RIT2: variants seen among roughly 807,000 people sequenced by gnomAD.
The protein encoded by RIT2 is Ras like without CAAX 2.
A neutral mutation model predicts 23.7 loss-of-function variants in RIT2; 24 were observed. The observed-to-expected ratio is 1.01, with a 90% CI of 0.73 to 1.43. The LOEUF (loss-of-function observed/expected upper bound fraction) is 1.43. Among genes scored for constraint, RIT2 ranks in the 40% most tolerant of loss-of-function variants. RIT2 has a pLI of 0.00. For synonymous variants in RIT2, 107 were observed against 91.1 expected (o/e 1.17, Z -0.99); for missense variants, 236 against 266.9 (o/e 0.88, Z 0.81).
chr18:42,983,558 A>G (rs1910644045), intron 2 of RIT2, among the ~76,000 whole-genome samples: 1 of 152,114 alleles, frequency 6.6e-6, no homozygotes. Flanking sequence ...TAACATGAGG[A>G]AAAGACCAGC....
intron 3 of RIT2, among the ~76,000 whole-genome samples, chr18:42,939,862 A>G (rs1299593283): frequency 3.3e-5 from 5 of 152,094 alleles, no homozygotes; most frequent in Non-Finnish European, 7.4e-5. Context: ...AAAAAATTAT[A>G]AGTACAATAA....
chr18:42,772,642 C>T (rs933373977), intron 4 of RIT2, among the ~76,000 whole-genome samples: 1 of 152,162 alleles, frequency 6.6e-6, no homozygotes, highest in African/African-American at 2.4e-5. Flanking sequence ...AATTTTTGCT[C>T]TTTGACCGTG....
intron 3 of RIT2, among the ~76,000 whole-genome samples, chr18:42,959,134 C>G (rs771898299): frequency 3.3e-5 from 5 of 152,114 alleles, no homozygotes; most frequent in Non-Finnish European, 5.9e-5. Flanking sequence ...CTGCTTTGTT[C>G]CTACACTTTC....
intron 4 of RIT2, among the ~76,000 whole-genome samples, chr18:42,799,929 C>A (rs1905477467): frequency 1.3e-5 from 2 of 152,106 alleles, no homozygotes; most frequent in South Asian, 4.1e-4. Flanking sequence ...ACTTTTCTTT[C>A]ATTAATTTAT....
intron 3 of RIT2, among the ~76,000 whole-genome samples, chr18:42,926,137 T>A (rs1909174796): frequency 6.6e-6 from 1 of 151,814 alleles, no homozygotes; most frequent in South Asian, 2.1e-4. Flanking sequence ...ACATACATTT[T>A]ACTTTTGAGA....
At chr18:42,998,125 A>AGGG (rs1343042060) in intron 2 of RIT2, among the ~76,000 whole-genome samples, 6 of 152,082 alleles carry the variant, frequency 3.9e-5, no homozygotes, top group African/African-American at 1.4e-4. Context: ...GTGTTCTCTT[A>AGGG]ATAAACCATG....
chr18:42,823,378 G>C (rs777760885), intron 4 of RIT2, among the ~76,000 whole-genome samples: 1 of 152,252 alleles, frequency 6.6e-6, no homozygotes, highest in Non-Finnish European at 1.5e-5. Flanking sequence ...AACTCAGTGA[G>C]AGGAAAATGA....
intron 4 of RIT2, among the ~76,000 whole-genome samples, chr18:42,780,603 G>T (rs1424959985): frequency 6.6e-6 from 1 of 152,082 alleles, no homozygotes; most frequent in Non-Finnish European, 1.5e-5. Flanking sequence ...AAAATACTTT[G>T]ATTTCCTTCA....
At chr18:42,991,908 A>G (rs1264854995) in intron 2 of RIT2, among the ~76,000 whole-genome samples, 2 of 152,052 alleles carry the variant, frequency 1.3e-5, no homozygotes, top group African/African-American at 4.8e-5. Context: ...TAAAAGCTTT[A>G]TTGCTCACAC....
At chr18:43,095,574 G>T (rs1913533201) in intron 1 of RIT2, among the ~76,000 whole-genome samples, 1 of 151,880 alleles carries the variant, frequency 6.6e-6, no homozygotes, top group Non-Finnish European at 1.5e-5. Flanking sequence ...CTACTTGGGA[G>T]AAAATTTATT....
intron 3 of RIT2, among the ~76,000 whole-genome samples, chr18:42,941,368 T>C (rs1287013512): frequency 6.6e-6 from 1 of 151,590 alleles, no homozygotes; most frequent in Admixed American, 6.6e-5. Context: ...CCCTCTCCAA[T>C]GCATAATTTT....
At chr18:42,886,936 A>C in intron 4 of RIT2, among the ~76,000 whole-genome samples, 1 of 152,180 alleles carries the variant, frequency 6.6e-6, no homozygotes, top group African/African-American at 2.4e-5. Flanking sequence ...AGGAAGGATG[A>C]CAGAGTTGAA....
chr18:42,787,390 C>T (rs1913946957), intron 4 of RIT2, among the ~76,000 whole-genome samples: 1 of 150,768 alleles, frequency 6.6e-6, no homozygotes, highest in African/African-American at 2.4e-5. Context: ...TAAACCTGCA[C>T]GTTGTGCACA....
At chr18:43,033,960 T>C in intron 1 of RIT2, 93 bp from the exon 2 acceptor site, 1 of 819,054 alleles carries the variant, frequency 1.2e-6, no homozygotes, top group Non-Finnish European at 2.0e-6. Context: ...TTTAAAAGGT[T>C]ATGGTGAATA....
chr18:42,787,015 A>C (rs895780118), intron 4 of RIT2, among the ~76,000 whole-genome samples: 1 of 152,148 alleles, frequency 6.6e-6, no homozygotes, highest in Non-Finnish European at 1.5e-5. Context: ...CAGGAAAAAG[A>C]AAATAACATC....
intron 4 of RIT2, among the ~76,000 whole-genome samples, chr18:42,859,139 C>T (rs1216351772): frequency 6.6e-6 from 1 of 152,106 alleles, no homozygotes; most frequent in East Asian, 1.9e-4. Flanking sequence ...GAACTTTGTT[C>T]CACAGAGGGC....
intron 1 of RIT2, among the ~76,000 whole-genome samples, chr18:43,101,782 C>A (rs2144238886): frequency 6.6e-6 from 1 of 152,194 alleles, no homozygotes; most frequent in South Asian, 2.1e-4. Context: ...AAGTGGAAGG[C>A]AAATTTTTTT....
At chr18:42,827,741 C>T (rs1906335223) in intron 4 of RIT2, among the ~76,000 whole-genome samples, 2 of 152,052 alleles carry the variant, frequency 1.3e-5, no homozygotes, top group South Asian at 4.1e-4. Context: ...CGTGGTGGCT[C>T]ATGCCTGCAA....
chr18:42,922,015 G>A (rs548362858), intron 4 of RIT2, among the ~76,000 whole-genome samples: 3 of 152,192 alleles, frequency 2.0e-5, no homozygotes, highest in East Asian at 1.9e-4. Flanking sequence ...ACATGTCTTT[G>A]GAGAAAGAGA....
Sources: allele counts gnomAD v4.1 joint callset (sites outside exome capture counted in the v4.1 genomes callset), GRCh38; gene constraint gnomAD v4.1.1; transcripts MANE v1.5; gene names NCBI Gene and HGNC (gene_info 2026-07-23, HGNC 2026-07-21).